The following KCNT2 variants were observed in gnomAD, a reference collection of about 807,000 sequenced individuals.
The protein encoded by KCNT2 is potassium sodium-activated channel subfamily T member 2, also known as potassium channel subfamily T member 2.
A neutral mutation model predicts 153.8 loss-of-function variants in KCNT2; 67 were observed. That is an observed-to-expected ratio of 0.44 (90% CI 0.36 to 0.53). The LOEUF is 0.53. Among genes scored for constraint, KCNT2 ranks in the 20% least tolerant of loss-of-function variants. The probability of loss-of-function intolerance (pLI) is 0.00; values close to 1 mark genes in which losing one functional copy is unlikely to be tolerated. For missense variants in KCNT2, 975 were observed against 1,354.8 expected (o/e 0.72, Z 4.40); for synonymous variants, 500 against 458.8 (o/e 1.09, Z -1.15).
chr1:196,322,752 G>C (rs1030933551), intron 19 of KCNT2, among the ~76,000 whole-genome samples: 7 of 151,856 alleles, frequency 4.6e-5, no homozygotes, highest in Admixed American at 2.6e-4. Flanking sequence ...CAAGAAATGA[G>C]CATAGCATGC....
At chr1:196,603,628 C>A (rs2149036725) in intron 1 of KCNT2, among the ~76,000 whole-genome samples, 1 of 152,286 alleles carries the variant, frequency 6.6e-6, no homozygotes, top group African/African-American at 2.4e-5. Context: ...GTTTTAACAA[C>A]TACAATGCAT....
intron 19 of KCNT2, among the ~76,000 whole-genome samples, chr1:196,325,752 T>C (rs1223424873): frequency 6.6e-6 from 1 of 152,072 alleles, no homozygotes; most frequent in Non-Finnish European, 1.5e-5. Context: ...CAAATGAAAA[T>C]TCTACAAGTG....
Position 196,340,495 on chromosome 1 carries a change from A to G in KCNT2, c.1629T>C (p.Ile543=). The G allele has an allele frequency of 6.2e-7, 1 of 1,612,090 alleles. No homozygotes were observed. Among genetic ancestry groups the G allele is most frequent in the African/African-American group, 1.3e-5 (1 of 74,928 alleles). ...NILLNPGPRY[I]MNSTDICFYI... is the part of the protein sequence containing the mutation. Reference sequence around the variant, plus strand: ...AAAAGCATATGTCTGTAGAATTCATAATGTATCGAGGACCTGGATTCAGCA... The same window carrying G: ...AAAAGCATATGTCTGTAGAATTCATGATGTATCGAGGACCTGGATTCAGCA... Residue 543 remains isoleucine, a synonymous_variant, in exon 16 of 28, where the codon ATT becomes ATC. Transcript: ENST00000294725.
intron 26 of KCNT2, among the ~76,000 whole-genome samples, chr1:196,245,810 A>G (rs781151032): frequency 2.0e-5 from 3 of 152,186 alleles, no homozygotes; most frequent in African/African-American, 4.8e-5. Context: ...GAGAAAAAGG[A>G]AAGCACAATT....
chr1:196,395,611 A>T (rs1009318015), intron 13 of KCNT2, among the ~76,000 whole-genome samples: 2 of 151,490 alleles, frequency 1.3e-5, no homozygotes, highest in South Asian at 2.1e-4. Flanking sequence ...CAACTTGAAA[A>T]ACTCGAGCTT....
chr1:196,319,593 C>T (rs1241282059), intron 19 of KCNT2, 38 bp from the exon 20 acceptor site: 3 of 1,364,278 alleles, frequency 2.2e-6, no homozygotes, highest in Non-Finnish European at 3.1e-6. Context: ...AACACAATGT[C>T]ACAACAGTGG....
At chr1:196,287,413 G>A (rs1256363332) in intron 22 of KCNT2, among the ~76,000 whole-genome samples, 1 of 151,864 alleles carries the variant, frequency 6.6e-6, no homozygotes, top group Non-Finnish European at 1.5e-5. Flanking sequence ...TGGAACGCCT[G>A]AGAATTTGAT....
intron 1 of KCNT2, among the ~76,000 whole-genome samples, chr1:196,534,718 A>T (rs1466909567): frequency 2.6e-5 from 4 of 152,216 alleles, no homozygotes; most frequent in Non-Finnish European, 5.9e-5. Context: ...TGAAAACAGA[A>T]TTTATATATT....
At chr1:196,325,973 C>A (rs917365055) in intron 19 of KCNT2, among the ~76,000 whole-genome samples, 3 of 152,046 alleles carry the variant, frequency 2.0e-5, no homozygotes, top group Non-Finnish European at 4.4e-5. Context: ...TTCATCTTGA[C>A]ATTTGCATCA....
At chr1:196,336,030 G>A (rs1215039146) in intron 16 of KCNT2, among the ~76,000 whole-genome samples, 5 of 151,978 alleles carry the variant, frequency 3.3e-5, no homozygotes, top group African/African-American at 1.2e-4. Flanking sequence ...TGACAAAATA[G>A]AACCCTGCTT....
chr1:196,501,127 A>ATGG (rs1317584464), intron 1 of KCNT2, among the ~76,000 whole-genome samples: 2 of 152,228 alleles, frequency 1.3e-5, no homozygotes, highest in Non-Finnish European at 2.9e-5. Flanking sequence ...TACAATCTCT[A>ATGG]TGGTAAACAG....
At chr1:196,306,098 T>C (rs1313294120) in intron 21 of KCNT2, among the ~76,000 whole-genome samples, 2 of 152,128 alleles carry the variant, frequency 1.3e-5, no homozygotes, top group Admixed American at 6.5e-5. Context: ...TTGTTCATGA[T>C]CTGATCCTTA....
intron 6 of KCNT2, among the ~76,000 whole-genome samples, chr1:196,468,673 T>TA (rs1677820574): frequency 1.3e-5 from 2 of 152,046 alleles, no homozygotes; most frequent in African/African-American, 2.4e-5. Flanking sequence ...GCTTATTTTT[T>TA]TAAAAAAAAT....
chr1:196,554,391 G>A (rs1398221065), intron 1 of KCNT2, among the ~76,000 whole-genome samples: 2 of 151,126 alleles, frequency 1.3e-5, no homozygotes, highest in Non-Finnish European at 3.0e-5. Context: ...ATGTCAACAA[G>A]TTGGAAAATC....
intron 12 of KCNT2, among the ~76,000 whole-genome samples, chr1:196,412,824 TAATC>T (rs763877346): frequency 3.4e-4 from 52 of 151,860 alleles, no homozygotes; most frequent in African/African-American, 1.1e-3. Flanking sequence ...GTTCGACACT[TAATC>T]AATAAATAAT....
chr1:196,286,746 T>C (rs1328982244), intron 22 of KCNT2, among the ~76,000 whole-genome samples: 1 of 151,328 alleles, frequency 6.6e-6, no homozygotes, highest in Non-Finnish European at 1.5e-5. Flanking sequence ...TCTGTTGCAA[T>C]TTTTTTTTCC....
At chr1:196,375,019 A>G (rs971298659) in intron 13 of KCNT2, among the ~76,000 whole-genome samples, 7 of 151,808 alleles carry the variant, frequency 4.6e-5, no homozygotes, top group African/African-American at 1.4e-4. Flanking sequence ...GGGGAATGTG[A>G]GAAAATGTGA....
chr1:196,234,623 C>T (rs1398398860), intron 27 of KCNT2, among the ~76,000 whole-genome samples: 1 of 150,766 alleles, frequency 6.6e-6, no homozygotes, highest in African/African-American at 2.4e-5. Flanking sequence ...TTAAAAAAAT[C>T]ATACCCTTTT....
chr1:196,310,604 A>G (rs902702204), intron 21 of KCNT2, among the ~76,000 whole-genome samples: 22 of 151,882 alleles, frequency 1.4e-4, no homozygotes, highest in Non-Finnish European at 3.2e-4. Context: ...ATGTGCATGT[A>G]CATGTTGTTT....
Sources: allele counts gnomAD v4.1 joint callset (sites outside exome capture counted in the v4.1 genomes callset), GRCh38; gene constraint gnomAD v4.1.1; transcripts MANE v1.5; gene names NCBI Gene and HGNC (gene_info 2026-07-23, HGNC 2026-07-21).